CADPS: variants seen among roughly 807,000 people sequenced by gnomAD.
The protein encoded by CADPS is calcium-dependent secretion activator 1.
CADPS carries 57 observed loss-of-function variants against 167.3 expected under a neutral mutation model. That is an observed-to-expected ratio of 0.34 (90% CI 0.28 to 0.42). The LOEUF is 0.42. Among genes scored for constraint, CADPS ranks in the 20% least tolerant of loss-of-function variants. The pLI is 1.00. For synonymous variants in CADPS, 676 were observed against 635.3 expected, an observed-to-expected ratio of 1.06 and a Z score of -0.96; for missense variants, 1,414 against 1,738.1, an observed-to-expected ratio of 0.81 and a Z score of 3.32.
At chr3:62,450,486 A>G (rs750180919) in intron 26 of CADPS, among the ~76,000 whole-genome samples, 15 of 152,206 alleles carry the variant, frequency 9.9e-5, no homozygotes, top group Non-Finnish European at 2.1e-4. Context: ...ACTGCCCTCA[A>G]AGGGAGGCAA....
At chr3:62,861,208 G>A (rs1214395707) in intron 1 of CADPS, among the ~76,000 whole-genome samples, 4 of 152,148 alleles carry the variant, frequency 2.6e-5, no homozygotes, top group African/African-American at 7.2e-5. Flanking sequence ...AACCATATGA[G>A]CTTTGTCCAA....
chr3:62,450,799 C>T (rs532062915), intron 26 of CADPS, among the ~76,000 whole-genome samples: 7 of 152,250 alleles, frequency 4.6e-5, no homozygotes, highest in African/African-American at 1.2e-4. Flanking sequence ...GTAGGATGAA[C>T]GTGCTTGCTC....
At chr3:62,620,036 A>AT (rs1441204739) in intron 6 of CADPS, among the ~76,000 whole-genome samples, 1 of 151,322 alleles carries the variant, frequency 6.6e-6, no homozygotes, top group African/African-American at 2.4e-5. Flanking sequence ...TTTGTTATTG[A>AT]TGCACAAAAG....
chr3:62,681,930 G>A (rs1356952661), intron 3 of CADPS, among the ~76,000 whole-genome samples: 1 of 152,092 alleles, frequency 6.6e-6, no homozygotes, highest in Non-Finnish European at 1.5e-5. Context: ...CAGGCCTTTT[G>A]TTCTCCAGAG....
chr3:62,685,933 G>T (rs2077952304), intron 3 of CADPS, among the ~76,000 whole-genome samples: 1 of 152,028 alleles, frequency 6.6e-6, no homozygotes, highest in African/African-American at 2.4e-5. Flanking sequence ...AGCACTATAG[G>T]ATGGCTATAA....
intron 4 of CADPS, among the ~76,000 whole-genome samples, chr3:62,658,874 A>G (rs537858480): frequency 2.9e-4 from 44 of 152,298 alleles, no homozygotes; most frequent in African/African-American, 1.1e-3. Context: ...GTGAATTTGC[A>G]GGGGATAAGA....
At position 62,433,008 on chromosome 3, in the gene CADPS, A is replaced by C. The variant is rs1396827141; in HGVS notation, c.3777+5096T>G. Among the ~76,000 whole-genome samples the C allele has an allele frequency of 6.6e-6, 1 of 152,046 alleles. No individual in the cohort carries two copies. Among genetic ancestry groups the C allele is most frequent in the Non-Finnish European group, 1.5e-5 (1 of 68,010 alleles). On this transcript the variant is annotated intron_variant, in intron 28 of 29. Coordinates refer to ENST00000383710, the MANE Select transcript of CADPS (RefSeq NM_003716.4). This position sits in a 1 kb window ranked among gnomAD's most constrained non-coding sequence, Gnocchi z 4.7. ...ACCTCTCCCCACTTCATATTTTTGG[A>C]AGTGGTTTCCCTTACCTGGACAGCT...
intron 3 of CADPS, among the ~76,000 whole-genome samples, chr3:62,685,122 A>G (rs2077772324): frequency 6.6e-6 from 1 of 152,080 alleles, no homozygotes. Context: ...TTTGTAATTC[A>G]CAACACACCT....
At chr3:62,434,551 C>G (rs1489378852) in intron 28 of CADPS, among the ~76,000 whole-genome samples, 1 of 152,066 alleles carries the variant, frequency 6.6e-6, no homozygotes, top group African/African-American at 2.4e-5. Context: ...CAAAAAAAAT[C>G]GGTGAGGATG....
At chr3:62,724,027 G>A (rs1160479518) in intron 3 of CADPS, among the ~76,000 whole-genome samples, 1 of 152,228 alleles carries the variant, frequency 6.6e-6, no homozygotes, top group Non-Finnish European at 1.5e-5. Flanking sequence ...GTGGCTTGCT[G>A]GTGCAGTGAG....
intron 1 of CADPS, among the ~76,000 whole-genome samples, chr3:62,769,399 T>C (rs1292425110): frequency 6.6e-6 from 1 of 151,868 alleles, no homozygotes; most frequent in Non-Finnish European, 1.5e-5. Flanking sequence ...AGCTGGCTAA[T>C]TTTTGTATTT....
At chr3:62,538,738 T>A (rs963548306) in intron 11 of CADPS, among the ~76,000 whole-genome samples, 7 of 152,176 alleles carry the variant, frequency 4.6e-5, no homozygotes, top group Non-Finnish European at 1.0e-4. Context: ...CTTTTGTAGC[T>A]GTTAAAAAAA....
intron 3 of CADPS, among the ~76,000 whole-genome samples, chr3:62,708,920 A>G (rs1199191278): frequency 1.3e-5 from 2 of 151,970 alleles, no homozygotes; most frequent in Non-Finnish European, 2.9e-5. Context: ...GAACACAATT[A>G]GCTACTGGAG....
intron 3 of CADPS, among the ~76,000 whole-genome samples, chr3:62,667,297 T>G (rs1223569530): frequency 6.6e-6 from 1 of 152,072 alleles, no homozygotes; most frequent in African/African-American, 2.4e-5. Context: ...TTCTCCTCCC[T>G]GCCTTTAGGA....
rs538195864 is a variant in CADPS, at chr3:62,549,509, T to C, written c.1966+394A>G. Among the ~76,000 whole-genome samples, 4 of 147,970 alleles carry C rather than the reference T, an allele frequency of 2.7e-5. No individual in the cohort carries two copies. In the South Asian group the frequency reaches 8.8e-4, roughly 32 times the overall value. Reference sequence around the variant, plus strand: ...TCATTTATTTTTAAATGGTTCTAAATTGCAGATTTAAGTTGATTTCAAATC... The same window carrying C: ...TCATTTATTTTTAAATGGTTCTAAACTGCAGATTTAAGTTGATTTCAAATC... On this transcript the variant is annotated intron_variant, in intron 11 of 29. Coordinates refer to ENST00000383710, the MANE Select transcript of CADPS (RefSeq NM_003716.4).
intron 1 of CADPS, among the ~76,000 whole-genome samples, chr3:62,789,511 G>A (rs993991353): frequency 2.0e-5 from 3 of 152,094 alleles, no homozygotes; most frequent in African/African-American, 7.2e-5. Context: ...ATTTTGCTCA[G>A]GCTACTTTGC....
intron 26 of CADPS, among the ~76,000 whole-genome samples, 160 bp from the exon 27 acceptor site, chr3:62,445,957 T>C (rs1307303704): frequency 2.0e-5 from 3 of 152,236 alleles, no homozygotes; most frequent in Non-Finnish European, 4.4e-5. Flanking sequence ...TTTGCTATTT[T>C]TTCAAGCCAT....
chr3:62,591,443 G>GAACCTTCATT (rs1443057550), intron 7 of CADPS, among the ~76,000 whole-genome samples: 3 of 152,204 alleles, frequency 2.0e-5, no homozygotes, highest in African/African-American at 7.2e-5. Flanking sequence ...GGGTTGGGAG[G>GAACCTTCATT]TGGGGAAATG....
chr3:62,594,681 A>G (rs1423672712), intron 6 of CADPS, among the ~76,000 whole-genome samples: 2 of 152,088 alleles, frequency 1.3e-5, no homozygotes, highest in African/African-American at 4.8e-5. Context: ...TTAGATATTA[A>G]TTTTTGATTT....
Sources: allele counts gnomAD v4.1 joint callset (sites outside exome capture counted in the v4.1 genomes callset), GRCh38; gene constraint gnomAD v4.1.1; non-coding constraint Gnocchi (gnomAD v3.1); transcripts MANE v1.5; gene names NCBI Gene and HGNC (gene_info 2026-07-23, HGNC 2026-07-21).